CORO2A: variants seen among roughly 807,000 people sequenced by gnomAD.
CORO2A encodes the protein coronin 2A.
A neutral mutation model predicts 62.4 loss-of-function variants in CORO2A; 47 were observed. That is an observed-to-expected ratio of 0.75 (90% CI 0.60 to 0.96). CORO2A has a LOEUF of 0.96. CORO2A is among the 40% of genes least tolerant of loss of function. The pLI is 0.00. For missense variants in CORO2A, 610 were observed against 684.1 expected (o/e 0.89, Z 1.21); for synonymous variants, 273 against 268.9 (o/e 1.02, Z -0.15).
At chr9:98,133,556 A>T (rs1391224083) in intron 4 of CORO2A, among the ~76,000 whole-genome samples, 1 of 152,182 alleles carries the variant, frequency 6.6e-6, no homozygotes, top group Non-Finnish European at 1.5e-5. Context: ...ACAGGGCTGT[A>T]TGTTTAGCTG....
rs569745339 is a variant in CORO2A, at chr9:98,176,223, A to G, written c.-1+16336T>C. On this transcript the variant is annotated intron_variant, in intron 1 of 11. Transcript: ENST00000375077. The stretch of plus-strand genomic sequence containing the variant: ...GCCTTGTGCCCCTTATCAACCCATG[A>G]GTGTTGATTTAGAATCTAAAGCTCT... Among the ~76,000 whole-genome samples, 17 of 152,302 alleles carry G rather than the reference A, an allele frequency of 1.1e-4. No individual in the cohort carries two copies. In the East Asian group the frequency reaches 3.3e-3, roughly 29 times the overall value.
At chr9:98,188,266 T>G (rs1828262718) in intron 1 of CORO2A, among the ~76,000 whole-genome samples, 1 of 152,074 alleles carries the variant, frequency 6.6e-6, no homozygotes, top group African/African-American at 2.4e-5. Context: ...TAGTTAAAAC[T>G]GCCCCCTCAC....
At chr9:98,137,036 T>C (rs901568192) in intron 3 of CORO2A, among the ~76,000 whole-genome samples, 1 of 152,152 alleles carries the variant, frequency 6.6e-6, no homozygotes, top group Non-Finnish European at 1.5e-5. Context: ...TAGAAGTGGG[T>C]ACAAAATGAA....
chr9:98,177,266 C>T (rs1828120456), intron 1 of CORO2A, among the ~76,000 whole-genome samples: 1 of 152,106 alleles, frequency 6.6e-6, no homozygotes, highest in South Asian at 2.1e-4. Context: ...TTCCAAGTCC[C>T]CAGCTGGAGA....
chr9:98,149,791 T>TG (rs1827698261), intron 2 of CORO2A, among the ~76,000 whole-genome samples: 2 of 152,334 alleles, frequency 1.3e-5, no homozygotes, highest in South Asian at 4.1e-4. Context: ...CAGCTCCTGT[T>TG]GGATCTGGAT....
At position 98,125,404 on chromosome 9, in the gene CORO2A, C is replaced by T. The variant is rs140849221; in HGVS notation, c.1447-499G>A. On this transcript the variant is annotated intron_variant, in intron 11 of 11. Transcript: ENST00000375077. ...TGTCCCCACCGTACCACCGTGGAAACGGAAGCTTAGAGACATTCAGTCTCT... is the reference window on the plus strand; with the variant it reads ...TGTCCCCACCGTACCACCGTGGAAATGGAAGCTTAGAGACATTCAGTCTCT... Among the ~76,000 whole-genome samples, 366 of 152,292 alleles carry T rather than the reference C, an allele frequency of 2.4e-3. 3 individuals are homozygous for T. The highest frequency in any genetic ancestry group is 8.7e-3 in the African/African-American group (360 of 41,556).
chr9:98,157,598 G>T lies in CORO2A; in HGVS notation c.63C>A (p.Ser21Arg). Reference protein sequence around the residue: ...KFRHVFGKPASKENCYDSVPI... With the variant: ...KFRHVFGKPARKENCYDSVPI... The stretch of plus-strand genomic sequence containing the variant: ...GCACGGAGTCGTAGCAGTTCTCCTT[G>T]CTGGCTGGTTTGCCAAAGACATGAC... Residue 21 changes from serine (S) to arginine (R), a missense_variant, in exon 2 of 12, where the codon AGC becomes AGA. By Grantham distance (110) the Ser-to-Arg change is moderately radical. Transcript: ENST00000375077. 1 of 1,614,066 alleles carries T rather than the reference G, an allele frequency of 6.2e-7. No individual in the cohort carries two copies.
chr9:98,143,930 G>A (rs114451200), intron 2 of CORO2A, among the ~76,000 whole-genome samples: 3,211 of 152,268 alleles, frequency 0.021, 96 homozygotes, highest in African/African-American at 0.072. Context: ...CTTCTTGGCT[G>A]GGCACAGTGG....
chr9:98,182,721 A>G (rs1036273699), intron 1 of CORO2A, among the ~76,000 whole-genome samples: 2 of 152,182 alleles, frequency 1.3e-5, no homozygotes, highest in African/African-American at 4.8e-5. Context: ...TAAAAAGAGG[A>G]CAAGACTATC....
intron 2 of CORO2A, among the ~76,000 whole-genome samples, chr9:98,149,935 CT>C (rs1249364126): frequency 0.018 from 2,296 of 127,390 alleles, 51 homozygotes; most frequent in African/African-American, 0.055. Context: ...TTTTCTCTTT[CT>C]TTTTTTTTTT....
chr9:98,154,327 GTGTATATATATATA>G (rs1237187351), intron 2 of CORO2A, among the ~76,000 whole-genome samples: 6 of 93,290 alleles, frequency 6.4e-5, no homozygotes, highest in East Asian at 3.6e-4. Flanking sequence ...ATGTGTTTGT[GTGTATATATATATA>G]TATATATATA....
At position 98,124,014 on chromosome 9, in the gene CORO2A, CTT is replaced by C. The variant is rs111467436; in HGVS notation, c.*758_*759del. ...CCATGTTGGCCAGGCTGGTTTCTTT[CTT>C]TTTTTTTTTTTTTTGAGACAGACTT... On this transcript the variant is annotated 3_prime_UTR_variant, in exon 12 of 12. Transcript: ENST00000375077. The C allele has an allele frequency of 1.6e-4, 21 of 134,386 alleles. No homozygotes were observed. Among genetic ancestry groups the C allele is most frequent in the Admixed American group, 3.0e-4 (4 of 13,348 alleles). The allele number at this position is 134,386 out of a possible 1,614,324, so 8.3% of individuals were successfully genotyped here. A position where few individuals can be genotyped will look rare whatever the true frequency, so the allele number is the denominator to read the frequency against.
Position 98,128,160 on chromosome 9 carries a change from C to T in CORO2A, c.1171+10G>A, listed in dbSNP as rs752748473. ...CACATTTGCCTGGGCCTCTTCTCTGCCTTCCTCACCTCGATTCATCCCGCT... is the reference window on the plus strand; with the variant it reads ...CACATTTGCCTGGGCCTCTTCTCTGTCTTCCTCACCTCGATTCATCCCGCT... On this transcript the variant is annotated intron_variant, in intron 10 of 11. Transcript: ENST00000375077. 1.9e-6 allele frequency: 3 copies of T among 1,609,666 alleles called. No individual in the cohort carries two copies. Among genetic ancestry groups the T allele is most frequent in the Non-Finnish European group, 1.7e-6 (2 of 1,177,044 alleles).
Position 98,134,597 on chromosome 9 carries a change from C to T in CORO2A, c.468+209G>A, listed in dbSNP as rs552673629. On this transcript the variant is annotated intron_variant, in intron 4 of 11. Transcript: ENST00000375077. ...AAGACAGAAACAGAGCCTGGAGTGA[C>T]GCAGCTATAGCCAAGGATGCCTGGA... is the stretch of plus-strand genomic sequence containing the variant. Among the ~76,000 whole-genome samples the T allele has an allele frequency of 4.6e-3, 693 of 152,222 alleles. 5 individuals carry two copies. The highest frequency in any genetic ancestry group is 8.3e-3 in the South Asian group (40 of 4,828).
intron 2 of CORO2A, among the ~76,000 whole-genome samples, chr9:98,153,778 A>G (rs1257739943): frequency 1.3e-5 from 2 of 151,936 alleles, no homozygotes; most frequent in Non-Finnish European, 2.9e-5. Context: ...TTTATTTGCA[A>G]ATCTTCTGTA....
chr9:98,170,392 A>G (rs772251586), intron 1 of CORO2A, among the ~76,000 whole-genome samples: 4 of 152,238 alleles, frequency 2.6e-5, no homozygotes, highest in Non-Finnish European at 5.9e-5. Flanking sequence ...GGCTGGGCCC[A>G]TCACTGTCAT....
rs139478538 is a variant in CORO2A, at chr9:98,166,327, A to C, written c.1-8667T>G. 4.3e-4 allele frequency among the ~76,000 whole-genome samples: 65 copies of C among 152,344 alleles called. No homozygotes were observed. In the East Asian group the frequency reaches 0.011, roughly 25 times the overall value. On this transcript the variant is annotated intron_variant, in intron 1 of 11. Coordinates refer to ENST00000375077, the MANE Select transcript of CORO2A (RefSeq NM_052820.4). ...TTGGCAATGATTCCTTGGTTATGATACCAGGAACAGGCAACAAAAGAAAAA... is the reference window on the plus strand; with the variant it reads ...TTGGCAATGATTCCTTGGTTATGATCCCAGGAACAGGCAACAAAAGAAAAA...
intron 1 of CORO2A, among the ~76,000 whole-genome samples, chr9:98,168,278 G>A (rs1411573426): frequency 6.6e-6 from 1 of 152,194 alleles, no homozygotes; most frequent in Admixed American, 6.5e-5. Flanking sequence ...AAGTTCTGAT[G>A]GACAGCACCA....
In CORO2A at chr9:98,134,822, G is replaced by A. The variant is rs1326554492; in HGVS notation, c.452C>T (p.Ala151Val). 1.9e-6 allele frequency: 3 copies of A among 1,613,482 alleles called. No homozygotes were observed. In the South Asian group the frequency reaches 3.3e-5, roughly 18 times the overall value. ...HPTAANILFS[A>V]GYDYKVMIWN... Reference sequence around the variant, plus strand: ...CAGACTCACCTTGTAGTCATAGCCAGCACTGAAGAGGATGTTGGCGGCCGT... The same window carrying A: ...CAGACTCACCTTGTAGTCATAGCCAACACTGAAGAGGATGTTGGCGGCCGT... Residue 151 changes from alanine to valine, a missense_variant, in exon 4 of 12, where the codon GCT becomes GTT. Ala to Val is a moderately conservative substitution (Grantham distance 64, BLOSUM62 0). Coordinates refer to ENST00000375077, the MANE Select transcript of CORO2A (RefSeq NM_052820.4).
Sources: allele counts gnomAD v4.1 joint callset (sites outside exome capture counted in the v4.1 genomes callset), GRCh38; gene constraint gnomAD v4.1.1; transcripts MANE v1.5; gene names NCBI Gene and HGNC (gene_info 2026-07-23, HGNC 2026-07-21).